SIRPG: variants seen among roughly 807,000 people sequenced by gnomAD.
SIRPG encodes signal-regulatory protein gamma.
A neutral mutation model predicts 35.7 loss-of-function variants in SIRPG; 38 were observed. That is an observed-to-expected ratio of 1.06 (90% confidence interval 0.82 to 1.40). SIRPG has a LOEUF of 1.40. SIRPG is among the 40% of genes most tolerant of loss of function. SIRPG has a pLI of 0.00. For synonymous variants in SIRPG, 215 were observed against 190.4 expected (o/e 1.13, Z -1.06); for missense variants, 519 against 483.0 (o/e 1.07, Z -0.70).
Position 1,636,468 on chromosome 20 carries a change from C to T in SIRPG, c.468G>A (p.Ala156=), listed in dbSNP as rs747031389. ...PSAPVVLGPA[A]RTTPEHTVSF... is the part of the protein sequence containing the mutation. ...TCACTGTATGCTCAGGTGTGGTCCT[C>T]GCCGCAGGGCCCAATACCACGGGGG... Residue 156 remains alanine (A), a synonymous_variant, in exon 3 of 6, where the codon GCG becomes GCA. Coordinates refer to ENST00000303415, the MANE Select transcript of SIRPG (RefSeq NM_018556.4). 38 of 1,614,088 alleles carry T rather than the reference C, an allele frequency of 2.4e-5. No individual in the cohort carries two copies. Among genetic ancestry groups the T allele is most frequent in the East Asian group, 1.1e-4 (5 of 44,896 alleles).
intron 4 of SIRPG, among the ~76,000 whole-genome samples, chr20:1,634,526 T>C (rs187441375): frequency 1.3e-5 from 2 of 152,192 alleles, no homozygotes; most frequent in Non-Finnish European, 2.9e-5. Flanking sequence ...ACTACATTTG[T>C]CTTTCTGAAA....
intron 2 of SIRPG, among the ~76,000 whole-genome samples, chr20:1,644,267 G>A (rs117314329): frequency 0.049 from 7,485 of 152,112 alleles, 274 homozygotes; most frequent in Non-Finnish European, 0.08. Context: ...CCCCAGGCTG[G>A]AGTTGTTGGA....
intron 4 of SIRPG, 59 bp from the exon 5 acceptor site, chr20:1,630,365 G>GTCACAAGGTTACTT: frequency 7.4e-7 from 1 of 1,353,374 alleles, no homozygotes; most frequent in Non-Finnish European, 1.0e-6. Context: ...CCATTGTAGG[G>GTCACAAGGTTACTT]GCCTCCACTT....
the SIRPG span, among the ~76,000 whole-genome samples, chr20:1,675,267 G>T: frequency 5.3e-5 from 8 of 152,132 alleles, no homozygotes; most frequent in Non-Finnish European, 1.0e-4. Context: ...GCCCGACTTT[G>T]CTCCACAGAT....
At chr20:1,648,646 A>T (rs1428229337) in intron 2 of SIRPG, among the ~76,000 whole-genome samples, 1 of 151,992 alleles carries the variant, frequency 6.6e-6, no homozygotes, top group Non-Finnish European at 1.5e-5. Context: ...ATAAAATAAA[A>T]TAAATAAAAA....
At chr20:1,674,597 C>A in the SIRPG span, among the ~76,000 whole-genome samples, 3 of 152,202 alleles carry the variant, frequency 2.0e-5, no homozygotes, top group Admixed American at 6.5e-5. Flanking sequence ...CACTGTTCTG[C>A]GGAAGCTCAG....
In SIRPG at chr20:1,640,831, T is replaced by C. The variant is rs549978247; in HGVS notation, c.431-4326A>G. Reference sequence around the variant, plus strand: ...TTTTTAGCATGAAGCGGTGTTGAATTGTATTGAAGGCCTTTTCTGCATCTA... The same window carrying C: ...TTTTTAGCATGAAGCGGTGTTGAATCGTATTGAAGGCCTTTTCTGCATCTA... On this transcript the variant is annotated intron_variant, in intron 2 of 5. Coordinates refer to ENST00000303415, the MANE Select transcript of SIRPG (RefSeq NM_018556.4). Among the ~76,000 whole-genome samples, 17 of 152,318 alleles carry C rather than the reference T, an allele frequency of 1.1e-4. No homozygotes were observed. In the East Asian group the frequency reaches 3.3e-3, roughly 29 times the overall value.
the SIRPG span, among the ~76,000 whole-genome samples, chr20:1,682,536 G>A: frequency 1.3e-5 from 2 of 152,106 alleles, no homozygotes; most frequent in Non-Finnish European, 2.9e-5. Context: ...AATGCCATAT[G>A]GGACAACTCC....
At chr20:1,669,840 A>G in the SIRPG span, 1 of 152,662 alleles carries the variant, frequency 6.6e-6, no homozygotes, top group Admixed American at 6.5e-5. Flanking sequence ...TTTCTAGGTT[A>G]TTTTATAACA....
Position 1,635,275 on chromosome 20 carries a change from G to A in SIRPG, c.1073C>T (p.Ala358Val). 2.5e-6 allele frequency: 4 copies of A among 1,603,124 alleles called. No homozygotes were observed. Among genetic ancestry groups the A allele is most frequent in the African/African-American group, 1.3e-5 (1 of 74,710 alleles). ...TVHQKDQSSD[A>V]TPGPASSLTA... ...ATTTTGAGTAACCTCACCAGGGGTA[G>A]CATCTGAGCTCTGGTCCTTCTGGTG... The change falls in exon 4 of 6, where the codon GCT becomes GTT. Residue 358 changes from alanine (A) to valine (V), a missense_variant. Transcript: ENST00000303415.
chr20:1,673,369 G>A, the SIRPG span, among the ~76,000 whole-genome samples: 3 of 152,218 alleles, frequency 2.0e-5, no homozygotes, highest in South Asian at 6.2e-4. Context: ...GAGGCTCAGA[G>A]AGGAGGCCCG....
intron 1 of SIRPG, among the ~76,000 whole-genome samples, chr20:1,649,791 C>T (rs2091926962): frequency 6.6e-6 from 1 of 150,418 alleles, no homozygotes; most frequent in South Asian, 2.1e-4. Flanking sequence ...TGTATACCAC[C>T]ATGCCAGGTT....
chr20:1,641,528 T>A (rs2091851865), intron 2 of SIRPG, among the ~76,000 whole-genome samples: 1 of 152,052 alleles, frequency 6.6e-6, no homozygotes, highest in South Asian at 2.1e-4. Flanking sequence ...AGTGGTCTAT[T>A]TTGTTAATTT....
chr20:1,675,530 A>G, the SIRPG span, among the ~76,000 whole-genome samples: 1 of 152,176 alleles, frequency 6.6e-6, no homozygotes, highest in Non-Finnish European at 1.5e-5. Flanking sequence ...TTCACACTTT[A>G]AAAAGCATAG....
chr20:1,633,266 C>T (rs141388522), intron 4 of SIRPG, among the ~76,000 whole-genome samples: 1 of 152,168 alleles, frequency 6.6e-6, no homozygotes, highest in East Asian at 1.9e-4. Flanking sequence ...AAAACACCCC[C>T]AAAAATTCTT....
At chr20:1,641,363 T>C (rs560893550) in intron 2 of SIRPG, among the ~76,000 whole-genome samples, 332 of 152,320 alleles carry the variant, frequency 2.2e-3, no homozygotes, top group African/African-American at 7.1e-3. Context: ...CAGGAATTTA[T>C]CCATTTCTTC....
intron 1 of SIRPG, among the ~76,000 whole-genome samples, chr20:1,652,979 A>T (rs1433606793): frequency 2.6e-5 from 4 of 152,214 alleles, no homozygotes; most frequent in Non-Finnish European, 5.9e-5. Flanking sequence ...GAAATCTTCT[A>T]TTTTAGGTGG....
chr20:1,634,853 C>T (rs986668523), intron 4 of SIRPG, among the ~76,000 whole-genome samples: 2 of 151,752 alleles, frequency 1.3e-5, no homozygotes, highest in Non-Finnish European at 2.9e-5. Flanking sequence ...ACCATCCTGG[C>T]TAACACGGTG....
At chr20:1,637,441 A>T (rs2091812718) in intron 2 of SIRPG, 1 of 168,136 alleles carries the variant, frequency 5.9e-6, no homozygotes, top group Non-Finnish European at 1.4e-5. Context: ...CTGCCAGGCA[A>T]TGAACTGTTT....
Sources: gnomAD v4.1 joint callset for allele counts (sites outside exome capture counted in the v4.1 genomes callset) on GRCh38, gnomAD v4.1.1 for gene constraint, MANE v1.5 for transcripts, NCBI Gene and HGNC (gene_info 2026-07-23, HGNC 2026-07-21) for gene names.